Variants in C5orf46 observed in about 807,000 individuals in gnomAD.
The protein encoded by C5orf46 is chromosome 5 open reading frame 46.
Under a neutral mutation model 8.9 loss-of-function variants are expected in C5orf46, and 9 were observed. The ratio of observed to expected loss-of-function variants is 1.01; its 90% CI spans 0.61 to 1.76. The LOEUF is 1.76. C5orf46 is among the 40% of genes most tolerant of loss of function. C5orf46 has a pLI of 0.00. For synonymous variants in C5orf46, 47 were observed against 41.4 expected (o/e 1.14, Z -0.52); for missense variants, 98 against 107.8 (o/e 0.91, Z 0.40).
intron 2 of C5orf46, among the ~76,000 whole-genome samples, chr5:147,900,754 AG>A (rs1757654286): frequency 6.6e-6 from 1 of 152,240 alleles, no homozygotes; most frequent in African/African-American, 2.4e-5. Context: ...ACTCTGCTTA[AG>A]GATCTATATG....
At chr5:147,903,559 A>T (rs1757704367) in intron 1 of C5orf46, among the ~76,000 whole-genome samples, 1 of 152,154 alleles carries the variant, frequency 6.6e-6, no homozygotes, top group South Asian at 2.1e-4. Context: ...TTATATCCTA[A>T]AATGGAAACT....
downstream of C5orf46, among the ~76,000 whole-genome samples, chr5:147,891,963 A>G (rs548333616): frequency 3.9e-4 from 59 of 152,360 alleles, no homozygotes; most frequent in African/African-American, 1.3e-3. Context: ...CAAACAAAAC[A>G]TTTATTAAAC....
At chr5:147,901,866 A>T in intron 1 of C5orf46, 93 bp from the exon 2 acceptor site, 1 of 1,392,536 alleles carries the variant, frequency 7.2e-7, no homozygotes. Flanking sequence ...TTTCTGACCC[A>T]CTCACAAATT....
chr5:147,890,630 A>T (rs534389508), downstream of C5orf46, among the ~76,000 whole-genome samples: 1 of 152,184 alleles, frequency 6.6e-6, no homozygotes, highest in Non-Finnish European at 1.5e-5. Flanking sequence ...GATATTTAGT[A>T]CAAGACCTTA....
downstream of C5orf46, among the ~76,000 whole-genome samples, chr5:147,888,246 C>T (rs1036113406): frequency 6.6e-6 from 1 of 152,186 alleles, no homozygotes; most frequent in Non-Finnish European, 1.5e-5. Context: ...CCCTCCCTTG[C>T]TCAAGAGCTT....
Position 147,901,687 on chromosome 5 carries a change from C to T in C5orf46, c.157G>A (p.Gly53Ser). Residue 53 changes from glycine to serine, a missense_variant, in exon 2 of 4, where the codon GGC (glycine) becomes AGC (serine). Coordinates refer to ENST00000318315, the MANE Select transcript of C5orf46 (RefSeq NM_206966.3). Reference sequence around the variant, plus strand: ...ACTGCATTCTCAATGATCTCTGTGCCCAGGAGGCTTAGGAATTTGGGGAAG... The same window carrying T: ...ACTGCATTCTCAATGATCTCTGTGCTCAGGAGGCTTAGGAATTTGGGGAAG... The part of the protein sequence containing the change: ...PDFPKFLSLL[G>S]TEIIENAVEF... 6.2e-7 allele frequency: 1 copy of T among 1,613,980 alleles called. No individual in the cohort carries two copies.
chr5:147,896,407 A>T (rs940514595), intron 3 of C5orf46, among the ~76,000 whole-genome samples: 1 of 152,240 alleles, frequency 6.6e-6, no homozygotes, highest in African/African-American at 2.4e-5. Context: ...AAACAGAGTA[A>T]GAACACAGTT....
chr5:147,901,611 G>A lies in C5orf46; in HGVS notation c.215+18C>T, dbSNP rs1284882452. On this transcript the variant is annotated intron_variant, in intron 2 of 3. Coordinates refer to ENST00000318315, the MANE Select transcript of C5orf46 (RefSeq NM_206966.3). ...AACAGAGAATTGGACAAAAAGCAAC[G>A]TTTTTCTCAGTGCTTACGTGCTCCT... The A allele has an allele frequency of 4.3e-6, 7 of 1,609,366 alleles. No homozygotes were observed. Among genetic ancestry groups the A allele is most frequent in the East Asian group, 4.5e-5 (2 of 44,746 alleles).
chr5:147,900,438 G>A (rs1757649066), intron 2 of C5orf46, among the ~76,000 whole-genome samples: 1 of 152,048 alleles, frequency 6.6e-6, no homozygotes, highest in African/African-American at 2.4e-5. Flanking sequence ...TCTAATAGAA[G>A]TCATGAACAC....
chr5:147,895,944 C>G (rs1757573394), intron 3 of C5orf46, among the ~76,000 whole-genome samples: 1 of 152,110 alleles, frequency 6.6e-6, no homozygotes, highest in African/African-American at 2.4e-5. Context: ...TCTGAACTTA[C>G]ATTAATCACA....
At chr5:147,889,886 T>C (rs1311566833), downstream of C5orf46, among the ~76,000 whole-genome samples, 1 of 152,192 alleles carries the variant, frequency 6.6e-6, no homozygotes, top group Non-Finnish European at 1.5e-5. Context: ...GGTATCCTAA[T>C]GAAATCTGTT....
chr5:147,897,296 T>G (rs1757597246), intron 2 of C5orf46, among the ~76,000 whole-genome samples: 1 of 152,220 alleles, frequency 6.6e-6, no homozygotes, highest in African/African-American at 2.4e-5. Flanking sequence ...AAGTCATATA[T>G]TTTGGTATAT....
downstream of C5orf46, among the ~76,000 whole-genome samples, chr5:147,890,815 G>C (rs1411217009): frequency 6.6e-6 from 1 of 151,898 alleles, no homozygotes; most frequent in Non-Finnish European, 1.5e-5. Context: ...AGGAAGGGAA[G>C]TGAATAACTC....
downstream of C5orf46, among the ~76,000 whole-genome samples, chr5:147,888,423 A>T (rs1472035260): frequency 6.6e-6 from 1 of 152,200 alleles, no homozygotes; most frequent in Non-Finnish European, 1.5e-5. Context: ...ATAACCTATG[A>T]GGTCCTGTAA....
At chr5:147,893,356 C>T (rs1293762464) in intron 3 of C5orf46, among the ~76,000 whole-genome samples, 1 of 145,016 alleles carries the variant, frequency 6.9e-6, no homozygotes, top group Non-Finnish European at 1.5e-5. Context: ...GTGATCCTGG[C>T]TCACTGCAGC....
intron 1 of C5orf46, among the ~76,000 whole-genome samples, chr5:147,902,626 C>G (rs1229888142): frequency 6.6e-6 from 1 of 152,100 alleles, no homozygotes; most frequent in Non-Finnish European, 1.5e-5. Flanking sequence ...TGTTTAGAAA[C>G]TGGTTGAAAG....
At chr5:147,901,826 T>C in intron 1 of C5orf46, 53 bp from the exon 2 acceptor site, 1 of 1,576,474 alleles carries the variant, frequency 6.3e-7, no homozygotes, top group Non-Finnish European at 8.6e-7. Flanking sequence ...GAAGGAATCA[T>C]TCTTTCTGTG....
chr5:147,892,071 A>T (rs1580981017), downstream of C5orf46, among the ~76,000 whole-genome samples: 1 of 152,244 alleles, frequency 6.6e-6, no homozygotes, highest in African/African-American at 2.4e-5. Context: ...ACTTTATTCT[A>T]GATTAGAGCA....
chr5:147,905,769 A>G (rs1463515146), intron 1 of C5orf46, among the ~76,000 whole-genome samples: 1 of 152,230 alleles, frequency 6.6e-6, no homozygotes, highest in Non-Finnish European at 1.5e-5. Flanking sequence ...ACCTGTATGT[A>G]TGCTCAAGTA....
Sources: allele counts gnomAD v4.1 joint callset (sites outside exome capture counted in the v4.1 genomes callset), GRCh38; gene constraint gnomAD v4.1.1; transcripts MANE v1.5; gene names NCBI Gene and HGNC (gene_info 2026-07-23, HGNC 2026-07-21).